The following MAX variants were observed in gnomAD, a reference collection of about 807,000 sequenced individuals.
MAX encodes the protein MYC associated transcriptional regulator X, also known as protein max.
In MAX, 3 loss-of-function variants were observed where a neutral mutation model predicts 22.3. The ratio of observed to expected loss-of-function variants is 0.13; its 90% CI spans 0.06 to 0.35. The LOEUF (loss-of-function observed/expected upper bound fraction) is 0.35. Ranked by LOEUF, MAX falls within the 10% of genes least tolerant of loss-of-function variation. MAX has a pLI of 1.00. For synonymous variants in MAX, 72 were observed against 77.7 expected (o/e 0.93, Z 0.39); for missense variants, 119 against 209.4 (o/e 0.57, Z 2.66).
In MAX at chr14:65,093,702, A is replaced by G. The variant is rs1060500098; in HGVS notation, c.171+6T>C. On this transcript the variant is annotated splice_donor_region_variant and intron_variant, in intron 3 of 4. Transcript: ENST00000358664. The surrounding 1 kb of genome is among the most constrained non-coding windows in gnomAD (Gnocchi z 4.4). The stretch of plus-strand genomic sequence containing the variant: ...GCCAGCTACTCAGCTTTCTCAGGAA[A>G]CTCACCTTCTCTCCTTGGAGTGATG... 16 of 1,533,200 alleles carry G rather than the reference A, an allele frequency of 1.0e-5. No homozygotes were observed. Among genetic ancestry groups the G allele is most frequent in the Non-Finnish European group, 1.4e-5 (15 of 1,106,190 alleles). 95.0% of individuals were successfully genotyped at this position (1,533,200 alleles called of 1,614,324 possible).
chr14:65,054,001 A>G lies in MAX; in HGVS notation c.171+39707T>C, dbSNP rs11851530. 0.12 allele frequency among the ~76,000 whole-genome samples: 18,913 copies of G among 152,214 alleles called. 2,504 individuals are homozygous for G. Among genetic ancestry groups the G allele is most frequent in the African/African-American group, 0.34 (14,007 of 41,482 alleles). ...CCCTTTCCAGAAGACAGCTGGAGAG[A>G]CTGACTTTAAAATTACAGTTTCCTT... On this transcript the variant is annotated intron_variant, in intron 3 of 3. Transcript: ENST00000341653. The surrounding 1 kb of genome is among the most constrained non-coding windows in gnomAD (Gnocchi z 4.4).
rs896863725 is a variant in MAX, at chr14:65,007,056, G to A, written c.172-772C>T. On this transcript the variant is annotated intron_variant, in intron 3 of 3. Coordinates refer to the MAX transcript ENST00000341653. The surrounding 1 kb of genome is among the most constrained non-coding windows in gnomAD (Gnocchi z 4.9). ...ACCCGTTTTTATCATTGTTGCCTAT[G>A]AAATTGAGTGTTTTAAAGGATGCTA... Among the ~76,000 whole-genome samples the A allele has an allele frequency of 2.0e-4, 30 of 152,300 alleles. No individual in the cohort carries two copies. Among genetic ancestry groups the A allele is most frequent in the African/African-American group, 7.2e-4 (30 of 41,566 alleles).
intron 3 of MAX, among the ~76,000 whole-genome samples, chr14:65,017,166 A>T (rs1318925921): frequency 2.0e-5 from 3 of 151,752 alleles, no homozygotes; most frequent in Non-Finnish European, 4.4e-5. Context: ...CAGCTGATCT[A>T]CCTGCCTCGG....
chr14:65,085,016 C>A (rs2139806120), intron 3 of MAX, among the ~76,000 whole-genome samples: 1 of 152,232 alleles, frequency 6.6e-6, no homozygotes, highest in Middle Eastern at 3.4e-3. Flanking sequence ...ACTATCTGAT[C>A]TGATAGTCAC....
intron 3 of MAX, among the ~76,000 whole-genome samples, chr14:65,020,193 T>A (rs534659166): frequency 6.6e-6 from 1 of 152,226 alleles, no homozygotes; most frequent in Non-Finnish European, 1.5e-5. Context: ...TGTCAGCTGC[T>A]ATGACCGCTG....
At chr14:65,092,908 CCT>C (rs1354029855) in intron 3 of MAX, among the ~76,000 whole-genome samples, 6 of 152,222 alleles carry the variant, frequency 3.9e-5, no homozygotes, top group African/African-American at 7.2e-5. Flanking sequence ...AAACACAGGT[CCT>C]CTTCCCAGCT....
intron 3 of MAX, among the ~76,000 whole-genome samples, chr14:65,066,872 A>AAC (rs1326561844): frequency 6.6e-6 from 1 of 150,786 alleles, no homozygotes; most frequent in Non-Finnish European, 1.5e-5. Flanking sequence ...CAAAAAAAAA[A>AAC]AAAAAAACAA....
Position 65,054,530 on chromosome 14 carries a change from G to T in MAX, c.171+39178C>A. 1.3e-6 allele frequency: 2 copies of T among 1,574,330 alleles called. No individual in the cohort carries two copies. The highest frequency in any genetic ancestry group is 1.7e-6 in the Non-Finnish European group (2 of 1,155,920). ...TTGGTGTGGCTACATTTGTAGATGT[G>T]TGCGGAGCAGAGGAGCGCCTGCTCA... On this transcript the variant is annotated intron_variant, in intron 3 of 3. Transcript: ENST00000341653. This position sits in a 1 kb window ranked among gnomAD's most constrained non-coding sequence, Gnocchi z 4.4.
chr14:65,095,337 A>T (rs2063631674), intron 2 of MAX, among the ~76,000 whole-genome samples: 1 of 152,256 alleles, frequency 6.6e-6, no homozygotes, highest in Non-Finnish European at 1.5e-5. Flanking sequence ...GTCTGGATTC[A>T]CTGTAAAATG....
chr14:65,090,854 T>C (rs2063487102), intron 3 of MAX, among the ~76,000 whole-genome samples: 1 of 152,156 alleles, frequency 6.6e-6, no homozygotes, highest in South Asian at 2.1e-4. Flanking sequence ...AAACAAAGGG[T>C]AAATAGAGTT....
chr14:65,046,512 G>A (rs1019385633), intron 3 of MAX, among the ~76,000 whole-genome samples: 1 of 152,154 alleles, frequency 6.6e-6, no homozygotes, highest in Admixed American at 6.5e-5. Flanking sequence ...ATGTTCTAGG[G>A]GGCTTAGTGG....
At chr14:65,080,750 T>G (rs912440896) in intron 3 of MAX, among the ~76,000 whole-genome samples, 3 of 152,232 alleles carry the variant, frequency 2.0e-5, no homozygotes, top group African/African-American at 7.2e-5. Flanking sequence ...AAGGCAACAT[T>G]AGCTCTTAAC....
In MAX at chr14:65,030,582, T is replaced by A. The variant is rs989127302; in HGVS notation, c.172-24298A>T. The stretch of plus-strand genomic sequence containing the variant: ...AGCAAGACCCTGTCTCTACAAAAAA[T>A]TTTTAAAAAATTAGCCAGGTGTGGT... On this transcript the variant is annotated intron_variant, in intron 3 of 3. Coordinates refer to the MAX transcript ENST00000341653. The surrounding 1 kb of genome is among the most constrained non-coding windows in gnomAD (Gnocchi z 4.5). 5.3e-5 allele frequency among the ~76,000 whole-genome samples: 8 copies of A among 151,948 alleles called. No individual in the cohort carries two copies. In the East Asian group the frequency reaches 7.7e-4, roughly 15 times the overall value.
In MAX at chr14:65,082,022, CACTT is replaced by C. The variant is rs1239754563; in HGVS notation, c.172-3990_172-3987del. 1.3e-5 allele frequency: 2 copies of C among 152,192 alleles called. No individual in the cohort carries two copies. The highest frequency in any genetic ancestry group is 4.8e-5 in the African/African-American group (2 of 41,442). The allele number at this position is 152,192 out of a possible 1,614,324, so 9.4% of individuals were successfully genotyped here. A position where few individuals can be genotyped will look rare whatever the true frequency, so the allele number is the denominator to read the frequency against. The stretch of plus-strand genomic sequence containing the variant: ...GGGGTGGTAACAATGGCAGCACTAA[CACTT>C]ACTGAGTACTTACTAAGTGTCAGGC... On this transcript the variant is annotated intron_variant, in intron 3 of 4. Coordinates refer to ENST00000358664, the MANE Select transcript of MAX (RefSeq NM_002382.5). The surrounding 1 kb of genome is among the most constrained non-coding windows in gnomAD (Gnocchi z 4.8).
rs1202901706 is a variant in MAX, at chr14:65,054,057, G to GA, written c.171+39650dup. Among the ~76,000 whole-genome samples, 7 of 151,874 alleles carry GA rather than the reference G, an allele frequency of 4.6e-5. No individual in the cohort carries two copies. The highest frequency in any genetic ancestry group is 2.1e-4 in the South Asian group (1 of 4,814). On this transcript the variant is annotated intron_variant, in intron 3 of 3. Coordinates refer to the MAX transcript ENST00000341653. This position sits in a 1 kb window ranked among gnomAD's most constrained non-coding sequence, Gnocchi z 4.4. ...GTTTAAGGTAAAAAAAGAAAGAAAAGAAAAAAAATACAGTTCCCACTGCTG... is the reference window on the plus strand; with the variant it reads ...GTTTAAGGTAAAAAAAGAAAGAAAAGAAAAAAAAATACAGTTCCCACTGCTG...
In MAX at chr14:65,077,087, G is replaced by A. The variant is rs185552265; in HGVS notation, c.296-424C>T. 77 of 578,754 alleles carry A rather than the reference G, an allele frequency of 1.3e-4. No homozygotes were observed. In the East Asian group the frequency reaches 1.9e-3, roughly 15 times the overall value. 35.9% of individuals were successfully genotyped at this position (578,754 alleles called of 1,614,324 possible). ...CATAAGACGTATCAGCCAAAGAACA[G>A]TTTTGGCTTAGCTCTCGTGTACAAG... is the stretch of plus-strand genomic sequence containing the variant. On this transcript the variant is annotated intron_variant, in intron 4 of 4. Transcript: ENST00000358664. The surrounding 1 kb of genome is among the most constrained non-coding windows in gnomAD (Gnocchi z 6.3).
At position 65,012,632 on chromosome 14, in the gene MAX, G is replaced by A. The variant is rs2061701753; in HGVS notation, c.172-6348C>T. Among the ~76,000 whole-genome samples, 1 of 152,136 alleles carries A rather than the reference G, an allele frequency of 6.6e-6. No homozygotes were observed. The highest frequency in any genetic ancestry group is 1.5e-5 in the Non-Finnish European group (1 of 68,022). On this transcript the variant is annotated intron_variant, in intron 3 of 3. Coordinates refer to the MAX transcript ENST00000341653. The surrounding 1 kb of genome is among the most constrained non-coding windows in gnomAD (Gnocchi z 5.0). ...AGGATGGGGCTTTCTTCTGTTACTA[G>A]ATGATGACTAAGGGGTTCACGTGCT... is the stretch of plus-strand genomic sequence containing the variant.
At position 65,076,407 on chromosome 14, in the gene MAX, C is replaced by T. The variant is rs1566597581; in HGVS notation, c.*69G>A. On this transcript the variant is annotated 3_prime_UTR_variant, in exon 5 of 5. Coordinates refer to ENST00000358664, the MANE Select transcript of MAX (RefSeq NM_002382.5). This position sits in a 1 kb window ranked among gnomAD's most constrained non-coding sequence, Gnocchi z 6.6. ...CTCTTAAATGGTTCTGAGGGCTCTACCAACGAACTGAAAGGAGGATGAGAC... is the reference window on the plus strand; with the variant it reads ...CTCTTAAATGGTTCTGAGGGCTCTATCAACGAACTGAAAGGAGGATGAGAC... The T allele has an allele frequency of 1.9e-6, 3 of 1,611,388 alleles. No individual in the cohort carries two copies. The highest frequency in any genetic ancestry group is 2.5e-6 in the Non-Finnish European group (3 of 1,179,894).
chr14:65,030,832 G>T lies in MAX; in HGVS notation c.172-24548C>A, dbSNP rs533478900. ...TTTTTGTTTGTTTTGTTTTGAGATG[G>T]AGTTTCTTTCTGTTGCCCAGGCAGG... On this transcript the variant is annotated intron_variant, in intron 3 of 3. Coordinates refer to the MAX transcript ENST00000341653. The surrounding 1 kb of genome is among the most constrained non-coding windows in gnomAD (Gnocchi z 4.5). Among the ~76,000 whole-genome samples, 9 of 152,146 alleles carry T rather than the reference G, an allele frequency of 5.9e-5. No homozygotes were observed. The highest frequency in any genetic ancestry group is 2.2e-4 in the African/African-American group (9 of 41,526).
Sources: gnomAD v4.1 joint callset for allele counts (sites outside exome capture counted in the v4.1 genomes callset) on GRCh38, gnomAD v4.1.1 for gene constraint, Gnocchi (gnomAD v3.1) non-coding constraint, MANE v1.5 for transcripts, NCBI Gene and HGNC (gene_info 2026-07-23, HGNC 2026-07-21) for gene names.